Variants in LONRF2 observed in about 807,000 individuals in gnomAD.
LONRF2 encodes LON peptidase N-terminal domain and ring finger 2, also known as LON peptidase N-terminal domain and RING finger protein 2.
Under a neutral mutation model 66.6 loss-of-function variants are expected in LONRF2, and 35 were observed. The observed-to-expected ratio is 0.53, with a 90% CI of 0.40 to 0.70. LONRF2 has a LOEUF of 0.70. Ranked by LOEUF, LONRF2 falls within the 30% of genes least tolerant of loss-of-function variation. The pLI is 0.00. For missense variants in LONRF2, 902 were observed against 1,002.1 expected (o/e 0.90, Z 1.35); for synonymous variants, 417 against 418.1 (o/e 1.00, Z 0.03).
At chr2:100,299,088 T>G (rs1017342576) in intron 6 of LONRF2, 138 bp from the exon 7 acceptor site, 1 of 859,570 alleles carries the variant, frequency 1.2e-6, no homozygotes, top group Admixed American at 2.7e-5. Context: ...TTATATCTTA[T>G]TAAATCTTTA....
Position 100,295,515 on chromosome 2 carries a change from G to T in LONRF2, c.1515C>A (p.Ala505=). ...GCAAATATCGAAATATTAATTCTTC[G>T]GCCAGAACAGTTATGTTAAAGTTTC... ...ASRNFNITVL[A]EELIFRYLPD... Residue 505 remains alanine, a synonymous_variant, in exon 8 of 12, where the codon GCC becomes GCA. Coordinates refer to ENST00000393437, the MANE Select transcript of LONRF2 (RefSeq NM_198461.4). 2 of 1,613,056 alleles carry T rather than the reference G, an allele frequency of 1.2e-6. No homozygotes were observed.
intron 9 of LONRF2, among the ~76,000 whole-genome samples, chr2:100,291,201 A>G (rs1020081191): frequency 1.3e-5 from 2 of 152,110 alleles, no homozygotes; most frequent in African/African-American, 2.4e-5. Flanking sequence ...CAAATTGCCA[A>G]TGACCTTGTG....
In LONRF2 at chr2:100,291,194, A is replaced by G. The variant is rs185041023; in HGVS notation, c.1758-774T>C. 3.9e-3 allele frequency among the ~76,000 whole-genome samples: 595 copies of G among 152,216 alleles called. 3 individuals carry two copies. Among genetic ancestry groups the G allele is most frequent in the Non-Finnish European group, 6.0e-3 (411 of 68,004 alleles). On this transcript the variant is annotated intron_variant, in intron 9 of 11. Transcript: ENST00000393437. ...ATTCAGCTATTTTTTTTTTAAACAA[A>G]TTGCCAATGACCTTGTGTGGGCTGG...
intron 10 of LONRF2, among the ~76,000 whole-genome samples, chr2:100,288,474 A>G (rs1325170023): frequency 6.6e-6 from 1 of 152,272 alleles, no homozygotes; most frequent in East Asian, 1.9e-4. Context: ...TAAGTATTTT[A>G]AAATTTCTTG....
intron 1 of LONRF2, among the ~76,000 whole-genome samples, chr2:100,315,531 T>A (rs1282716957): frequency 6.6e-6 from 1 of 152,256 alleles, no homozygotes; most frequent in East Asian, 1.9e-4. Context: ...TCATCATTAA[T>A]TATGATAGCT....
intron 1 of LONRF2, among the ~76,000 whole-genome samples, chr2:100,315,611 G>A (rs377440599): frequency 3.0e-3 from 457 of 150,918 alleles, no homozygotes; most frequent in African/African-American, 0.01. Flanking sequence ...CCTGAGAGAT[G>A]CATCATATCA....
Position 100,283,470 on chromosome 2 carries a change from C to G in LONRF2, c.*828G>C, listed in dbSNP as rs1435669071. ...CTGTTTCCTAAATGCTTAGTAACCA[C>G]TGATCAATGAGACAAGGTTCTACTT... On this transcript the variant is annotated 3_prime_UTR_variant, in exon 12 of 12. Coordinates refer to ENST00000393437, the MANE Select transcript of LONRF2 (RefSeq NM_198461.4). 1.3e-5 allele frequency: 2 copies of G among 152,166 alleles called. No homozygotes were observed. The highest frequency in any genetic ancestry group is 2.9e-5 in the Non-Finnish European group (2 of 68,032). The allele number at this position is 152,166 out of a possible 1,614,324, so 9.4% of individuals were successfully genotyped here.
At chr2:100,299,184 C>T in intron 6 of LONRF2, 42 bp downstream of exon 6, 1 of 1,408,620 alleles carries the variant, frequency 7.1e-7, no homozygotes, top group Non-Finnish European at 9.7e-7. Context: ...TTCAGAAAGG[C>T]TGCAGTTTTA....
intron 1 of LONRF2, among the ~76,000 whole-genome samples, chr2:100,314,985 T>C (rs1010043352): frequency 6.6e-6 from 1 of 152,200 alleles, no homozygotes; most frequent in African/African-American, 2.4e-5. Context: ...CCAAAAACAC[T>C]GGCTAGGATT....
chr2:100,305,028 G>A (rs1675265110), intron 2 of LONRF2, among the ~76,000 whole-genome samples: 1 of 152,042 alleles, frequency 6.6e-6, no homozygotes, highest in Non-Finnish European at 1.5e-5. Flanking sequence ...TCCACTCCGG[G>A]ATTTCTCTGC....
intron 1 of LONRF2, among the ~76,000 whole-genome samples, chr2:100,311,597 T>C (rs1482791584): frequency 1.3e-5 from 2 of 152,176 alleles, no homozygotes; most frequent in African/African-American, 2.4e-5. Flanking sequence ...TGCTCTCATA[T>C]TGCAATAATA....
chr2:100,319,883 C>T (rs918988452), intron 1 of LONRF2, among the ~76,000 whole-genome samples: 1 of 152,170 alleles, frequency 6.6e-6, no homozygotes, highest in Non-Finnish European at 1.5e-5. Context: ...ACAGGCTTAA[C>T]ATCTGTAGAT....
chr2:100,282,706 G>C lies in LONRF2; in HGVS notation c.*1592C>G, dbSNP rs1182031183. The C allele has an allele frequency of 6.6e-6, 1 of 152,178 alleles. No homozygotes were observed. Among genetic ancestry groups the C allele is most frequent in the Non-Finnish European group, 1.5e-5 (1 of 68,034 alleles). 9.4% of individuals were successfully genotyped at this position (152,178 alleles called of 1,614,324 possible). On this transcript the variant is annotated 3_prime_UTR_variant, in exon 12 of 12. Transcript: ENST00000393437. ...GATATTTGAGATTCACAATAAGTGAGGCACTTGAAACATTGGATTGGAAAA... is the reference window on the plus strand; with the variant it reads ...GATATTTGAGATTCACAATAAGTGACGCACTTGAAACATTGGATTGGAAAA...
intron 1 of LONRF2, among the ~76,000 whole-genome samples, chr2:100,320,666 C>T (rs1224619613): frequency 6.6e-6 from 1 of 152,200 alleles, no homozygotes; most frequent in Non-Finnish European, 1.5e-5. Flanking sequence ...CCTCCTCACA[C>T]TGCCCAAAAC....
chr2:100,300,598 G>A, intron 4 of LONRF2, 46 bp downstream of exon 4: 2 of 1,553,778 alleles, frequency 1.3e-6, no homozygotes, highest in Non-Finnish European at 1.7e-6. Context: ...AAGCCATTAT[G>A]TAAAGCTTAA....
In LONRF2 at chr2:100,279,970, G is replaced by A. The variant is rs1674679188; in HGVS notation, c.*4328C>T. On this transcript the variant is annotated 3_prime_UTR_variant, in exon 12 of 12. Coordinates refer to ENST00000393437, the MANE Select transcript of LONRF2 (RefSeq NM_198461.4). The stretch of plus-strand genomic sequence containing the variant: ...GGCCTCTCCTTCTTTCATTTCTGTA[G>A]GAATTGTGAGAACAGTCAACGCTGT... 6.6e-6 allele frequency: 1 copy of A among 152,166 alleles called. No individual in the cohort carries two copies. The highest frequency in any genetic ancestry group is 1.5e-5 in the Non-Finnish European group (1 of 68,042). The allele number at this position is 152,166 out of a possible 1,614,324, so 9.4% of individuals were successfully genotyped here.
intron 4 of LONRF2, among the ~76,000 whole-genome samples, chr2:100,300,392 C>T (rs2105725502): frequency 6.6e-6 from 1 of 152,198 alleles, no homozygotes; most frequent in South Asian, 2.1e-4. Context: ...GCCAAAATAA[C>T]TTCAAGTCTC....
chr2:100,318,363 C>T (rs762770935), intron 1 of LONRF2, among the ~76,000 whole-genome samples: 1 of 152,178 alleles, frequency 6.6e-6, no homozygotes, highest in Non-Finnish European at 1.5e-5. Flanking sequence ...CCTCTTTCAA[C>T]ATACGTACTA....
chr2:100,304,553 T>C (rs943361997), intron 2 of LONRF2, among the ~76,000 whole-genome samples: 1 of 152,026 alleles, frequency 6.6e-6, no homozygotes, highest in African/African-American at 2.4e-5. Flanking sequence ...AACTTATGCA[T>C]AATAACTTCT....
Sources: gnomAD v4.1 joint callset for allele counts (sites outside exome capture counted in the v4.1 genomes callset) on GRCh38, gnomAD v4.1.1 for gene constraint, MANE v1.5 for transcripts, NCBI Gene and HGNC (gene_info 2026-07-23, HGNC 2026-07-21) for gene names.